Variants in CLMP observed in about 807,000 individuals in gnomAD.
CLMP encodes the protein CXADR like cell adhesion molecule.
In CLMP, 27 loss-of-function variants were observed where a neutral mutation model predicts 45.2. The observed-to-expected ratio is 0.60, with a 90% CI of 0.44 to 0.82. The LOEUF (loss-of-function observed/expected upper bound fraction) is 0.82, where lower values mean the gene tolerates loss of function less well. Among genes scored for constraint, CLMP ranks in the 40% least tolerant of loss-of-function variants. The probability of loss-of-function intolerance (pLI) is 0.00; values close to 1 mark genes in which losing one functional copy is unlikely to be tolerated. For synonymous variants in CLMP, 167 were observed against 171.4 expected, an observed-to-expected ratio of 0.97 and a Z score of 0.20; for missense variants, 403 against 448.4, an observed-to-expected ratio of 0.90 and a Z score of 0.91.
At chr11:123,113,389 T>G (rs951887604) in intron 1 of CLMP, among the ~76,000 whole-genome samples, 1 of 152,208 alleles carries the variant, frequency 6.6e-6, no homozygotes, top group African/African-American at 2.4e-5. Flanking sequence ...TCGTCAGTAT[T>G]GTGTAAGAGT....
intron 1 of CLMP, among the ~76,000 whole-genome samples, chr11:123,136,560 ATTTTTTT>A (rs34074982): frequency 1.2e-4 from 10 of 85,882 alleles, no homozygotes; most frequent in African/African-American, 2.2e-4. Context: ...CTTTTAAGTA[ATTTTTTT>A]TTTTTTTTTT....
intron 1 of CLMP, among the ~76,000 whole-genome samples, chr11:123,171,126 C>A (rs886187649): frequency 3.3e-5 from 5 of 152,090 alleles, no homozygotes; most frequent in Admixed American, 6.5e-5. Context: ...GCCTTAAATG[C>A]CAAGTAAGCA....
chr11:123,135,327 TA>T (rs71279498), intron 1 of CLMP, among the ~76,000 whole-genome samples: 1 of 134,668 alleles, frequency 7.4e-6, no homozygotes, highest in African/African-American at 3.1e-5. Context: ...TCTCAAAAGT[TA>T]AAAAAAAGGT....
chr11:123,100,110 C>T (rs1171226430), intron 1 of CLMP, among the ~76,000 whole-genome samples: 4 of 152,122 alleles, frequency 2.6e-5, no homozygotes, highest in Non-Finnish European at 5.9e-5. Context: ...GTGGCTCACG[C>T]CTGTAATCCC....
chr11:123,106,790 G>A (rs1860564789), intron 1 of CLMP, among the ~76,000 whole-genome samples: 1 of 151,992 alleles, frequency 6.6e-6, no homozygotes, highest in South Asian at 2.1e-4. Flanking sequence ...GGAGGTCGAG[G>A]TGGGCGGATC....
intron 1 of CLMP, among the ~76,000 whole-genome samples, chr11:123,109,368 G>C (rs1037356121): frequency 6.6e-6 from 1 of 151,336 alleles, no homozygotes; most frequent in Admixed American, 6.6e-5. Flanking sequence ...ATTTGTTATC[G>C]ATCTGAGCCC....
intron 5 of CLMP, among the ~76,000 whole-genome samples, chr11:123,079,924 G>T (rs570074103): frequency 2.0e-5 from 3 of 152,176 alleles, no homozygotes; most frequent in African/African-American, 7.2e-5. Context: ...TTCGTAGCTC[G>T]ATGTCAAATC....
chr11:123,145,610 C>T (rs1861227857), intron 1 of CLMP, among the ~76,000 whole-genome samples: 1 of 152,068 alleles, frequency 6.6e-6, no homozygotes, highest in Non-Finnish European at 1.5e-5. Flanking sequence ...CTACAGGTGC[C>T]CGCCACTATG....
intron 1 of CLMP, among the ~76,000 whole-genome samples, chr11:123,121,689 G>A (rs966321253): frequency 1.3e-5 from 2 of 152,166 alleles, no homozygotes; most frequent in East Asian, 3.8e-4. Flanking sequence ...TGGGTCAGGA[G>A]TATACCTATA....
chr11:123,142,024 C>T (rs1861168947), intron 1 of CLMP, among the ~76,000 whole-genome samples: 1 of 150,024 alleles, frequency 6.7e-6, no homozygotes, highest in East Asian at 2.0e-4. Flanking sequence ...TCACTTTGTC[C>T]CCCAGGCTGG....
rs1296901911 is a variant in CLMP, at chr11:123,073,220, T to C, written c.*254A>G. ...CACAGGTCCTGGTCAACAAATAGAT[T>C]TGGACTCCTGCTTTCCCTTACTCTG... On this transcript the variant is annotated 3_prime_UTR_variant, in exon 7 of 7. Coordinates refer to ENST00000448775, the MANE Select transcript of CLMP (RefSeq NM_024769.5). 5.3e-6 allele frequency: 2 copies of C among 379,402 alleles called. No individual in the cohort carries two copies. The highest frequency in any genetic ancestry group is 2.1e-5 in the African/African-American group (1 of 48,716). 23.5% of individuals were successfully genotyped at this position (379,402 alleles called of 1,614,324 possible).
chr11:123,146,639 G>A (rs772959495), intron 1 of CLMP, among the ~76,000 whole-genome samples: 2 of 151,962 alleles, frequency 1.3e-5, no homozygotes, highest in Non-Finnish European at 2.9e-5. Flanking sequence ...CCTGCTACCT[G>A]CCATTGGTTC....
At chr11:123,101,360 G>T (rs965619965) in intron 1 of CLMP, among the ~76,000 whole-genome samples, 7 of 152,194 alleles carry the variant, frequency 4.6e-5, no homozygotes, top group African/African-American at 1.7e-4. Flanking sequence ...GCCTGCCTCG[G>T]CCTCCCAAAG....
intron 1 of CLMP, among the ~76,000 whole-genome samples, chr11:123,147,817 T>A (rs1360583116): frequency 1.0e-5 from 1 of 98,396 alleles, no homozygotes; most frequent in African/African-American, 4.4e-5. Flanking sequence ...AGACACTGAC[T>A]TTTTTTTTTT....
intron 2 of CLMP, among the ~76,000 whole-genome samples, chr11:123,092,637 G>A (rs924508052): frequency 1.3e-5 from 2 of 150,278 alleles, no homozygotes; most frequent in Non-Finnish European, 3.0e-5. Context: ...TCTCTCTTTT[G>A]CCCAGGCTGG....
intron 1 of CLMP, among the ~76,000 whole-genome samples, chr11:123,130,232 G>T (rs1860965926): frequency 6.6e-6 from 1 of 152,082 alleles, no homozygotes; most frequent in Non-Finnish European, 1.5e-5. Flanking sequence ...AACTTTACAG[G>T]GGAGTCCAAG....
chr11:123,179,656 C>A (rs1365064469), intron 1 of CLMP, among the ~76,000 whole-genome samples: 4 of 152,176 alleles, frequency 2.6e-5, no homozygotes, highest in Non-Finnish European at 5.9e-5. Context: ...AACCAAGTAC[C>A]AGTGATCCGC....
chr11:123,144,566 C>A (rs984893517), intron 1 of CLMP, among the ~76,000 whole-genome samples: 3 of 152,118 alleles, frequency 2.0e-5, no homozygotes, highest in African/African-American at 7.2e-5. Context: ...GACGAAGTTT[C>A]TCCATGTTGG....
chr11:123,194,070 G>A (rs991643535), intron 1 of CLMP, among the ~76,000 whole-genome samples: 10 of 151,904 alleles, frequency 6.6e-5, no homozygotes, highest in African/African-American at 2.2e-4. Context: ...CAGTCACTCC[G>A]GTGGGCTCCT....
Sources: allele counts gnomAD v4.1 joint callset (sites outside exome capture counted in the v4.1 genomes callset), GRCh38; gene constraint gnomAD v4.1.1; transcripts MANE v1.5; gene names NCBI Gene and HGNC (gene_info 2026-07-23, HGNC 2026-07-21).